Variants in GABRG3 observed in about 807,000 individuals in gnomAD.
GABRG3 encodes the protein gamma-aminobutyric acid receptor subunit gamma-3.
In GABRG3, 25 loss-of-function variants were observed where a neutral mutation model predicts 48.8. The ratio of observed to expected loss-of-function variants is 0.51; its 90% CI spans 0.37 to 0.72. The LOEUF (loss-of-function observed/expected upper bound fraction) is 0.72. Among genes scored for constraint, GABRG3 ranks in the 30% least tolerant of loss-of-function variants. The pLI is 0.00. For missense variants in GABRG3, 394 were observed against 577.9 expected (o/e 0.68, Z 3.26); for synonymous variants, 227 against 217.6 (o/e 1.04, Z -0.38).
chr15:27,399,969 C>T (rs1413461837), intron 5 of GABRG3, among the ~76,000 whole-genome samples: 1 of 152,166 alleles, frequency 6.6e-6, no homozygotes, highest in East Asian at 1.9e-4. Flanking sequence ...AAATATCAGT[C>T]TATGTGGGTG....
rs1413521067 is a variant in GABRG3 at position 27,319,443 on chromosome 15, A to T, written c.271-7366A>T. 2.6e-5 allele frequency among the ~76,000 whole-genome samples: 4 copies of T among 152,228 alleles called. No homozygotes were observed. Among genetic ancestry groups the T allele is most frequent in the African/African-American group, 9.6e-5 (4 of 41,452 alleles). ...TTATTACCAACACAGGTCACTGCTG[A>T]CCAGCACTGTGGTGGGGCAGTCTCT... On this transcript the variant is annotated intron_variant, in intron 3 of 9. Transcript: ENST00000615808. The surrounding 1 kb of genome is among the most constrained non-coding windows in gnomAD (Gnocchi z 4.4).
chr15:26,976,461 C>T lies in GABRG3; in HGVS notation c.54-541C>T, dbSNP rs796781416. On this transcript the variant is annotated intron_variant, in intron 1 of 9. Transcript: ENST00000615808. The surrounding 1 kb of genome is among the most constrained non-coding windows in gnomAD (Gnocchi z 7.8). ...TCTGAGTGCCGGCAAAGCAGACCCC[C>T]TCACAATGCTCAAGTGCCTAGACCC... Among the ~76,000 whole-genome samples, 1 of 152,192 alleles carries T rather than the reference C, an allele frequency of 6.6e-6. No homozygotes were observed. The highest frequency in any genetic ancestry group is 2.4e-5 in the African/African-American group (1 of 41,450).
At chr15:27,004,265 C>A (rs1895534247) in intron 2 of GABRG3, among the ~76,000 whole-genome samples, 1 of 151,186 alleles carries the variant, frequency 6.6e-6, no homozygotes, top group African/African-American at 2.4e-5. Context: ...CTCCTCACTT[C>A]TCAGACGGGG....
intron 3 of GABRG3, among the ~76,000 whole-genome samples, chr15:27,244,775 C>G (rs1215336196): frequency 6.6e-6 from 1 of 152,048 alleles, no homozygotes; most frequent in Non-Finnish European, 1.5e-5. Context: ...GAGTGAGACC[C>G]TGTCTCAAAA....
chr15:27,048,048 G>T (rs542956910), intron 3 of GABRG3, among the ~76,000 whole-genome samples: 6 of 152,330 alleles, frequency 3.9e-5, no homozygotes, highest in South Asian at 4.1e-4. Context: ...TAGTCGGTGA[G>T]TGAGGGCCGC....
At chr15:27,449,177 C>T (rs1889034226) in intron 5 of GABRG3, among the ~76,000 whole-genome samples, 1 of 152,192 alleles carries the variant, frequency 6.6e-6, no homozygotes, top group South Asian at 2.1e-4. Flanking sequence ...AAGGAGTGTT[C>T]TGGGAGCTGT....
intron 5 of GABRG3, among the ~76,000 whole-genome samples, chr15:27,436,261 C>G (rs1405339059): frequency 6.6e-6 from 1 of 152,180 alleles, no homozygotes; most frequent in East Asian, 1.9e-4. Flanking sequence ...CTCTTTCTGT[C>G]TCTTCTTATA....
chr15:27,438,852 G>A (rs1034828571), intron 5 of GABRG3, among the ~76,000 whole-genome samples: 1 of 152,210 alleles, frequency 6.6e-6, no homozygotes, highest in African/African-American at 2.4e-5. Context: ...GGGCACCATG[G>A]AGCTTTCTCA....
Position 27,474,523 on chromosome 15 carries a change from C to T in GABRG3, c.575-6127C>T, listed in dbSNP as rs1456060161. 2.0e-5 allele frequency among the ~76,000 whole-genome samples: 3 copies of T among 152,118 alleles called. No homozygotes were observed. The East Asian group carries it at 5.8e-4, about 29-fold the overall frequency. On this transcript the variant is annotated intron_variant, in intron 5 of 9. Coordinates refer to ENST00000615808, the MANE Select transcript of GABRG3 (RefSeq NM_033223.5). ...GTGTCCCTCCAGCGCTTTGGAAGGG[C>T]CCCTGCAAGCAAGGGCTCTGTGTTC...
chr15:27,424,272 G>T (rs1354670876), intron 5 of GABRG3, among the ~76,000 whole-genome samples: 1 of 152,108 alleles, frequency 6.6e-6, no homozygotes, highest in Non-Finnish European at 1.5e-5. Context: ...CATTTGTGCT[G>T]CTATAACAAA....
chr15:27,068,936 A>C (rs1286797457), intron 3 of GABRG3, among the ~76,000 whole-genome samples: 1 of 152,190 alleles, frequency 6.6e-6, no homozygotes, highest in Non-Finnish European at 1.5e-5. Context: ...ACCACATGCC[A>C]CTGTTTCCCA....
chr15:27,287,215 G>A (rs1715242945), intron 3 of GABRG3, among the ~76,000 whole-genome samples: 1 of 152,056 alleles, frequency 6.6e-6, no homozygotes, highest in African/African-American at 2.4e-5. Context: ...ATGTACATGG[G>A]AAGAATTATT....
In GABRG3 at chr15:27,486,147, A is replaced by G. The variant is rs372604228; in HGVS notation, c.712+5360A>G. 1.8e-4 allele frequency among the ~76,000 whole-genome samples: 27 copies of G among 152,290 alleles called. 1 individual carries two copies. Among genetic ancestry groups the G allele is most frequent in the African/African-American group, 5.8e-4 (24 of 41,556 alleles). On this transcript the variant is annotated intron_variant, in intron 6 of 9. Coordinates refer to ENST00000615808, the MANE Select transcript of GABRG3 (RefSeq NM_033223.5). ...ACTGAGGGGTGCTCGGGTCAGGCTC[A>G]GAGCACGCTTAGAAGCGGCTTTGTA... is the stretch of plus-strand genomic sequence containing the variant.
At chr15:27,421,561 CT>C (rs1888114176) in intron 5 of GABRG3, among the ~76,000 whole-genome samples, 1 of 151,466 alleles carries the variant, frequency 6.6e-6, no homozygotes, top group South Asian at 2.1e-4. Flanking sequence ...TCCATCAATA[CT>C]GTTTTAAGGC....
intron 5 of GABRG3, among the ~76,000 whole-genome samples, chr15:27,369,145 T>G (rs1377500392): frequency 6.6e-6 from 1 of 152,238 alleles, no homozygotes; most frequent in Non-Finnish European, 1.5e-5. Context: ...GATTTCTGAA[T>G]TTTAGAAAGC....
intron 3 of GABRG3, among the ~76,000 whole-genome samples, chr15:27,061,215 C>T (rs1019094599): frequency 4.6e-5 from 7 of 152,172 alleles, no homozygotes; most frequent in Admixed American, 3.3e-4. Context: ...TGTACTTTTA[C>T]GACCATGGCC....
In GABRG3 at chr15:27,536,439, A is replaced by C. The variant is rs180974629; in HGVS notation, c.*3558A>C. 7.2e-5 allele frequency: 11 copies of C among 152,350 alleles called. No homozygotes were observed. Among genetic ancestry groups the C allele is most frequent in the Middle Eastern group, 3.4e-3 (1 of 294 alleles). The allele number at this position is 152,350 out of a possible 1,614,324, so 9.4% of individuals were successfully genotyped here. A position where few individuals can be genotyped will look rare whatever the true frequency, so the allele number is the denominator to read the frequency against. On this transcript the variant is annotated 3_prime_UTR_variant, in exon 10 of 10. Coordinates refer to ENST00000615808, the MANE Select transcript of GABRG3 (RefSeq NM_033223.5). ...GATTTTCCATTTCCTGCAGTTAGCT[A>C]TATTTCATGCCAAGTTTTATTTATC...
At chr15:27,401,609 T>C (rs922265808) in intron 5 of GABRG3, among the ~76,000 whole-genome samples, 1 of 152,218 alleles carries the variant, frequency 6.6e-6, no homozygotes, top group Non-Finnish European at 1.5e-5. Flanking sequence ...CATTCTAACC[T>C]TATTTCATGT....
chr15:27,458,596 C>T (rs994363243), intron 5 of GABRG3, among the ~76,000 whole-genome samples: 23 of 152,084 alleles, frequency 1.5e-4, no homozygotes, highest in Admixed American at 4.6e-4. Flanking sequence ...TGCCTGGTGG[C>T]GCCTTCGAAT....
Sources: allele counts gnomAD v4.1 joint callset (sites outside exome capture counted in the v4.1 genomes callset), GRCh38; gene constraint gnomAD v4.1.1; non-coding constraint Gnocchi (gnomAD v3.1); transcripts MANE v1.5; gene names NCBI Gene and HGNC (gene_info 2026-07-23, HGNC 2026-07-21).